Variants in TMEM108 observed in about 807,000 individuals in gnomAD.
TMEM108 encodes cancer/testis antigen 124.
Under a neutral mutation model 35.1 loss-of-function variants are expected in TMEM108, and 12 were observed. The observed-to-expected ratio is 0.34, with a 90% CI of 0.22 to 0.55. The LOEUF (loss-of-function observed/expected upper bound fraction) is 0.55. TMEM108 is among the 20% of genes least tolerant of loss of function. The pLI is 0.89. For missense variants in TMEM108, 680 were observed against 753.3 expected, an observed-to-expected ratio of 0.90 and a Z score of 1.14; for synonymous variants, 287 against 308.6, an observed-to-expected ratio of 0.93 and a Z score of 0.73.
chr3:133,083,180 A>ACCCCCCCCCCCCC (rs1188984370), intron 2 of TMEM108, among the ~76,000 whole-genome samples: 1 of 109,424 alleles, frequency 9.1e-6, no homozygotes, highest in Non-Finnish European at 1.8e-5. Flanking sequence ...GCCCCCCCCC[A>ACCCCCCCCCCCCC]CCCCCCGCCG....
At chr3:133,317,392 A>G (rs1297141655) in intron 3 of TMEM108, among the ~76,000 whole-genome samples, 1 of 152,206 alleles carries the variant, frequency 6.6e-6, no homozygotes, top group African/African-American at 2.4e-5. Context: ...AAAAAGGGAA[A>G]TTTTTGCCAA....
chr3:133,048,086 T>A (rs1943361113), intron 2 of TMEM108, among the ~76,000 whole-genome samples: 1 of 151,962 alleles, frequency 6.6e-6, no homozygotes, highest in East Asian at 1.9e-4. Context: ...AAAACTTTCC[T>A]TTGCAAAGTT....
chr3:133,141,861 G>GA (rs1281814756), intron 2 of TMEM108, among the ~76,000 whole-genome samples: 1 of 152,134 alleles, frequency 6.6e-6, no homozygotes, highest in Non-Finnish European at 1.5e-5. Context: ...AGACATTACA[G>GA]AAAAAAATCA....
intron 3 of TMEM108, among the ~76,000 whole-genome samples, chr3:133,335,859 G>A (rs555725678): frequency 1.4e-4 from 21 of 152,292 alleles, no homozygotes; most frequent in Admixed American, 6.5e-4. Flanking sequence ...ATCCTCTGCC[G>A]GGAGCTGCAC....
chr3:133,282,113 C>T (rs1946922414), intron 3 of TMEM108, among the ~76,000 whole-genome samples: 1 of 152,142 alleles, frequency 6.6e-6, no homozygotes, highest in Non-Finnish European at 1.5e-5. Context: ...GCCGAGATCA[C>T]ACCACTGTAC....
intron 2 of TMEM108, among the ~76,000 whole-genome samples, chr3:133,163,609 C>T (rs1229341454): frequency 2.6e-5 from 4 of 152,142 alleles, no homozygotes; most frequent in African/African-American, 9.7e-5. Context: ...CAGGGGCTCA[C>T]ACTCATTCCT....
chr3:133,124,213 T>G lies in TMEM108; in HGVS notation c.-47+78193T>G, dbSNP rs144664052. On this transcript the variant is annotated intron_variant, in intron 2 of 5. Transcript: ENST00000321871. ...CAGCATCAGTCATTTGGGACCGTGTTGTTTCCTGATACCAAAATAACCGAA... is the reference window on the plus strand; with the variant it reads ...CAGCATCAGTCATTTGGGACCGTGTGGTTTCCTGATACCAAAATAACCGAA... 9.9e-4 allele frequency among the ~76,000 whole-genome samples: 151 copies of G among 152,310 alleles called. No homozygotes were observed. In the Middle Eastern group the frequency reaches 0.017, roughly 17 times the overall value.
chr3:133,271,622 G>C (rs1029749679), intron 3 of TMEM108, among the ~76,000 whole-genome samples: 2 of 152,168 alleles, frequency 1.3e-5, no homozygotes, highest in African/African-American at 4.8e-5. Context: ...CAGATAGTGT[G>C]TGAGTTCAGG....
chr3:133,116,700 T>C (rs1219333422), intron 2 of TMEM108, among the ~76,000 whole-genome samples: 1 of 152,220 alleles, frequency 6.6e-6, no homozygotes, highest in Non-Finnish European at 1.5e-5. Context: ...CAAGCGCTCT[T>C]GTTGTCAACT....
At chr3:133,160,301 T>G (rs1944942998) in intron 2 of TMEM108, among the ~76,000 whole-genome samples, 1 of 152,226 alleles carries the variant, frequency 6.6e-6, no homozygotes, top group Non-Finnish European at 1.5e-5. Context: ...AGTGTTTCCT[T>G]GGTTAGTGGG....
At chr3:133,264,074 G>A (rs1946662195) in intron 3 of TMEM108, among the ~76,000 whole-genome samples, 1 of 152,134 alleles carries the variant, frequency 6.6e-6, no homozygotes, top group Non-Finnish European at 1.5e-5. Flanking sequence ...GGGAGATCAA[G>A]GCAGGAGGAT....
chr3:133,179,771 T>C (rs910222103), intron 2 of TMEM108, among the ~76,000 whole-genome samples: 4 of 151,796 alleles, frequency 2.6e-5, no homozygotes, highest in Non-Finnish European at 5.9e-5. Flanking sequence ...CAAACCTGCA[T>C]GTTGTGCACA....
chr3:133,047,825 C>T (rs1943358405), intron 2 of TMEM108, among the ~76,000 whole-genome samples: 1 of 152,140 alleles, frequency 6.6e-6, no homozygotes, highest in Non-Finnish European at 1.5e-5. Context: ...GCTAAATAGT[C>T]TAATGAAGTA....
chr3:133,217,253 G>C (rs4491897), intron 2 of TMEM108, among the ~76,000 whole-genome samples: 18,690 of 151,894 alleles, frequency 0.12, 1,307 homozygotes, highest in South Asian at 0.22. Flanking sequence ...TGTCTATTCA[G>C]TTTTTTTGCT....
chr3:133,139,879 G>GC (rs1024038975), intron 2 of TMEM108, among the ~76,000 whole-genome samples: 3 of 152,240 alleles, frequency 2.0e-5, no homozygotes, highest in African/African-American at 7.2e-5. Context: ...AATATAGTCA[G>GC]CCCCCTCCAG....
intron 2 of TMEM108, among the ~76,000 whole-genome samples, chr3:133,221,660 CTTTTTTTTTTTTTTT>C (rs3078806): frequency 1.7e-5 from 1 of 60,356 alleles, no homozygotes; most frequent in Non-Finnish European, 3.0e-5. Context: ...ACATTGATTC[CTTTTTTTTTTTTTTT>C]TTTTTTTTCA....
At chr3:133,251,767 A>G (rs1287931217) in intron 3 of TMEM108, among the ~76,000 whole-genome samples, 1 of 149,810 alleles carries the variant, frequency 6.7e-6, no homozygotes, top group African/African-American at 2.5e-5. Context: ...AGATTTGGGG[A>G]GCCACTTCCC....
intron 2 of TMEM108, among the ~76,000 whole-genome samples, chr3:133,083,178 CCA>C (rs1486369479): frequency 2.3e-5 from 3 of 133,278 alleles, no homozygotes; most frequent in Non-Finnish European, 1.6e-5. Context: ...AAGCCCCCCC[CCA>C]CCCCCCGCCG....
At chr3:133,390,672 G>T (rs1430999034) in intron 5 of TMEM108, among the ~76,000 whole-genome samples, 1 of 152,110 alleles carries the variant, frequency 6.6e-6, no homozygotes, top group Non-Finnish European at 1.5e-5. Context: ...GCTCCTAAGG[G>T]GCTCAGGTTC....
Sources: gnomAD v4.1 joint callset for allele counts (sites outside exome capture counted in the v4.1 genomes callset) on GRCh38, gnomAD v4.1.1 for gene constraint, MANE v1.5 for transcripts, NCBI Gene and HGNC (gene_info 2026-07-23, HGNC 2026-07-21) for gene names.